The following PRKN variants were observed in gnomAD, a reference collection of about 807,000 sequenced individuals.
The protein encoded by PRKN is E3 ubiquitin-protein ligase parkin.
A neutral mutation model predicts 59.5 loss-of-function variants in PRKN; 56 were observed. The ratio of observed to expected loss-of-function variants is 0.94; its 90% CI spans 0.76 to 1.18. The LOEUF is 1.18. PRKN is among the 50% of genes most tolerant of loss of function. The pLI is 0.00. For synonymous variants in PRKN, 250 were observed against 222.1 expected, an observed-to-expected ratio of 1.13 and a Z score of -1.12; for missense variants, 657 against 596.4, an observed-to-expected ratio of 1.10 and a Z score of -1.06.
intron 1 of PRKN, among the ~76,000 whole-genome samples, chr6:162,630,813 C>T (rs34594856): frequency 0.087 from 13,173 of 152,048 alleles, 723 homozygotes; most frequent in Middle Eastern, 0.18. Flanking sequence ...AAGCAGGTTC[C>T]CAAGTTGATG....
rs3924171 is a variant in PRKN at position 161,388,295 on chromosome 6, G to A, written c.1084-1418C>T. ...GTAGTGAGATAGCACATGCTGAGTG[G>A]CTACAATCACAGCATACAATGTGTT... On this transcript the variant is annotated intron_variant, in intron 9 of 11. Transcript: ENST00000366898. The surrounding 1 kb of genome is among the most constrained non-coding windows in gnomAD (Gnocchi z 4.3). 0.011 allele frequency among the ~76,000 whole-genome samples: 1,749 copies of A among 152,320 alleles called. 29 individuals carry two copies. The highest frequency in any genetic ancestry group is 0.04 in the African/African-American group (1,680 of 41,556).
chr6:162,561,333 G>A (rs568244729), intron 1 of PRKN, among the ~76,000 whole-genome samples: 2 of 152,278 alleles, frequency 1.3e-5, no homozygotes, highest in Non-Finnish European at 2.9e-5. Context: ...GAAAGACTGA[G>A]CGAAAGAAGA....
chr6:161,733,783 A>ATATATATATATATATATATATACGT (rs1554298472), intron 7 of PRKN, among the ~76,000 whole-genome samples: 2 of 86,228 alleles, frequency 2.3e-5, no homozygotes, highest in African/African-American at 1.8e-4. Context: ...AAAAAAAAAA[A>ATATATATATATATATATATATACGT]ATATATATAT....
intron 5 of PRKN, among the ~76,000 whole-genome samples, chr6:162,053,681 A>G (rs895391458): frequency 6.6e-6 from 1 of 152,188 alleles, no homozygotes; most frequent in Non-Finnish European, 1.5e-5. Flanking sequence ...AAGCAGAAAA[A>G]AAAATCAATT....
At chr6:161,510,977 C>T (rs1778365782) in intron 9 of PRKN, among the ~76,000 whole-genome samples, 1 of 152,024 alleles carries the variant, frequency 6.6e-6, no homozygotes, top group South Asian at 2.1e-4. Context: ...TTTCTTCTTC[C>T]AATATGGAAG....
intron 2 of PRKN, among the ~76,000 whole-genome samples, chr6:162,425,329 A>G (rs1450662956): frequency 1.3e-5 from 2 of 152,174 alleles, no homozygotes; most frequent in Admixed American, 6.5e-5. Context: ...AAAGCCCAAG[A>G]ACTCACATTC....
rs1786276135 is a variant in PRKN, at chr6:161,386,842, A to G, written c.1119T>C (p.His373=). The G allele has an allele frequency of 1.2e-6, 2 of 1,614,030 alleles. No homozygotes were observed. Among genetic ancestry groups the G allele is most frequent in the African/African-American group, 1.3e-5 (1 of 74,924 alleles). Residue 373 remains histidine, a synonymous_variant, in exon 10 of 12, where the codon CAT becomes CAC. Transcript: ENST00000366898. The surrounding 1 kb of genome is among the most constrained non-coding windows in gnomAD (Gnocchi z 4.3). ...CAAATACGGCACTGCACTCCCCTTC[A>G]TGGTACGCTTCTTTACATTCCCGGC... ...AFCRECKEAY[H]EGECSAVFEA...
intron 3 of PRKN, among the ~76,000 whole-genome samples, chr6:162,227,879 G>A (rs183313404): frequency 1.1e-4 from 16 of 151,608 alleles, no homozygotes; most frequent in African/African-American, 3.1e-4. Flanking sequence ...AAATTTGGGG[G>A]AAGTCCAAAA....
Position 162,604,535 on chromosome 6 carries a change from A to C in PRKN, c.7+123127T>G, listed in dbSNP as rs568547726. Among the ~76,000 whole-genome samples, 3 of 152,204 alleles carry C rather than the reference A, an allele frequency of 2.0e-5. No individual in the cohort carries two copies. In the East Asian group the frequency reaches 5.8e-4, roughly 29 times the overall value. On this transcript the variant is annotated intron_variant, in intron 1 of 11. Coordinates refer to ENST00000366898, the MANE Select transcript of PRKN (RefSeq NM_004562.3). Reference sequence around the variant, plus strand: ...TAATAAGAAACCTGATTGATTCATAAATTTTAGAGCATATTTCTAGAAATT... The same window carrying C: ...TAATAAGAAACCTGATTGATTCATACATTTTAGAGCATATTTCTAGAAATT...
At chr6:161,389,115 A>C (rs1178152887) in intron 9 of PRKN, among the ~76,000 whole-genome samples, 1 of 152,134 alleles carries the variant, frequency 6.6e-6, no homozygotes, top group African/African-American at 2.4e-5. Context: ...AATAATAGAA[A>C]CCAGGATATA....
At position 161,857,582 on chromosome 6, in the gene PRKN, GT is replaced by G. The variant is rs200757722; in HGVS notation, c.735-71675del. Among the ~76,000 whole-genome samples the G allele has an allele frequency of 5.4e-3, 825 of 152,316 alleles. 46 individuals carry two copies. The East Asian group carries it at 0.13, about 24-fold the overall frequency. On this transcript the variant is annotated intron_variant, in intron 6 of 11. Transcript: ENST00000366898. ...TCTACATTGGGGTATGTGTATGGGT[GT>G]GCCCATATGTCTGTATCTGTTAAAT...
chr6:162,037,292 G>T (rs2128280894), intron 5 of PRKN, among the ~76,000 whole-genome samples: 1 of 152,286 alleles, frequency 6.6e-6, no homozygotes, highest in South Asian at 2.1e-4. Flanking sequence ...CAAAATAAAT[G>T]GGATGCATCA....
rs1381878084 is a variant in PRKN, at chr6:162,011,471, A to ATATAATATATTATATATAT, written c.619-38055_619-38054insATATATATAATATATTATA. 1.3e-4 allele frequency among the ~76,000 whole-genome samples: 2 copies of ATATAATATATTATATATAT among 15,338 alleles called. 1 individual carries two copies. The highest frequency in any genetic ancestry group is 2.0e-4 in the Non-Finnish European group (2 of 9,832). 10.1% of individuals were successfully genotyped at this position (15,338 alleles called of 152,430 possible). A position where few individuals can be genotyped will look rare whatever the true frequency, so the allele number is the denominator to read the frequency against. ...TAATATATAATATATATATTATAATATATAATATATTATAATATATATAAT... is the reference window on the plus strand; with the variant it reads ...TAATATATAATATATATATTATAATATATAATATATTATATATATTATAATATATTATAATATATATAAT... On this transcript the variant is annotated intron_variant, in intron 5 of 11. Transcript: ENST00000366898.
chr6:161,589,539 G>A (rs73595304), intron 7 of PRKN, among the ~76,000 whole-genome samples: 1 of 151,134 alleles, frequency 6.6e-6, no homozygotes, highest in East Asian at 1.9e-4. Context: ...TAGATAACTC[G>A]TGGTCAAAGT....
At chr6:162,562,409 C>T (rs368874914) in intron 1 of PRKN, among the ~76,000 whole-genome samples, 5 of 152,292 alleles carry the variant, frequency 3.3e-5, no homozygotes, top group Admixed American at 6.5e-5. Context: ...TCCCCAGTTC[C>T]AGGACTTGAC....
intron 1 of PRKN, among the ~76,000 whole-genome samples, chr6:162,683,663 T>C (rs908882071): frequency 1.3e-5 from 2 of 152,138 alleles, no homozygotes; most frequent in Admixed American, 6.6e-5. Context: ...AAAAAAACTA[T>C]AATTACTCTA....
chr6:161,432,088 C>T (rs1296680495), intron 9 of PRKN, among the ~76,000 whole-genome samples: 2 of 152,322 alleles, frequency 1.3e-5, no homozygotes, highest in East Asian at 1.9e-4. Flanking sequence ...CACCAAAGGA[C>T]TCCAGGCTAT....
intron 6 of PRKN, among the ~76,000 whole-genome samples, chr6:161,897,341 T>G (rs1777666346): frequency 1.3e-5 from 2 of 152,206 alleles, no homozygotes; most frequent in South Asian, 4.1e-4. Flanking sequence ...CTCATTCAAC[T>G]TCTCTTCTTT....
At chr6:162,332,739 A>C (rs893509897) in intron 2 of PRKN, among the ~76,000 whole-genome samples, 71 of 152,080 alleles carry the variant, frequency 4.7e-4, no homozygotes, top group Non-Finnish European at 1.3e-4. Context: ...CACATGAGAC[A>C]CTGGCAGGCA....
Sources: gnomAD v4.1 joint callset for allele counts (sites outside exome capture counted in the v4.1 genomes callset) on GRCh38, gnomAD v4.1.1 for gene constraint, Gnocchi (gnomAD v3.1) non-coding constraint, MANE v1.5 for transcripts, NCBI Gene and HGNC (gene_info 2026-07-23, HGNC 2026-07-21) for gene names.